Variants in RBFOX1 observed in about 807,000 individuals in gnomAD.
RBFOX1 encodes RNA binding protein fox-1 homolog 1.
RBFOX1 carries 8 observed loss-of-function variants against 57.7 expected under a neutral mutation model. The ratio of observed to expected loss-of-function variants is 0.14; its 90% CI spans 0.08 to 0.25. RBFOX1 has a LOEUF of 0.25. Ranked by LOEUF, RBFOX1 falls within the 10% of genes least tolerant of loss-of-function variation. The probability of loss-of-function intolerance (pLI) is 1.00; values close to 1 mark genes in which losing one functional copy is unlikely to be tolerated. For synonymous variants in RBFOX1, 326 were observed against 222.4 expected, an observed-to-expected ratio of 1.47 and a Z score of -4.15; for missense variants, 611 against 548.5, an observed-to-expected ratio of 1.11 and a Z score of -1.14.
intron 3 of RBFOX1, among the ~76,000 whole-genome samples, chr16:6,860,230 T>C (rs976776136): frequency 1.5e-4 from 23 of 152,346 alleles, no homozygotes; most frequent in African/African-American, 4.8e-4. Flanking sequence ...ATGCCCGTTA[T>C]GTTCCAGACA....
chr16:5,982,745 CTG>C (rs1461114548), intron 4 of RBFOX1, among the ~76,000 whole-genome samples: 1 of 152,164 alleles, frequency 6.6e-6, no homozygotes, highest in Non-Finnish European at 1.5e-5. Context: ...CCTTACTGTG[CTG>C]TGTTTTCCTT....
chr16:7,664,582 T>C (rs1481003828), intron 12 of RBFOX1, among the ~76,000 whole-genome samples: 1 of 152,204 alleles, frequency 6.6e-6, no homozygotes, highest in Non-Finnish European at 1.5e-5. Flanking sequence ...TTGCCAACTC[T>C]GACCTGTTAA....
At chr16:7,324,258 G>A (rs1335122830) in intron 4 of RBFOX1, among the ~76,000 whole-genome samples, 2 of 152,148 alleles carry the variant, frequency 1.3e-5, no homozygotes, top group Non-Finnish European at 2.9e-5. Context: ...TAGGCAGAAA[G>A]CTCAGGTGGT....
chr16:6,610,664 G>T (rs142970915), intron 2 of RBFOX1, among the ~76,000 whole-genome samples: 1 of 152,150 alleles, frequency 6.6e-6, no homozygotes, highest in Non-Finnish European at 1.5e-5. Flanking sequence ...ATTAACTCAG[G>T]TGAGCTTCAT....
At chr16:5,827,916 T>C (rs11641104) in intron 3 of RBFOX1, among the ~76,000 whole-genome samples, 11 of 118,766 alleles carry the variant, frequency 9.3e-5, no homozygotes, top group East Asian at 4.5e-4. Flanking sequence ...CATCCATCCA[T>C]CCACCCATCC....
At chr16:7,503,485 G>C (rs1434758727) in intron 4 of RBFOX1, among the ~76,000 whole-genome samples, 1 of 152,168 alleles carries the variant, frequency 6.6e-6, no homozygotes, top group East Asian at 1.9e-4. Context: ...TATTTAAGGG[G>C]ACAGAATCCA....
intron 2 of RBFOX1, among the ~76,000 whole-genome samples, chr16:6,517,812 G>T (rs575933282): frequency 6.6e-6 from 1 of 151,980 alleles, no homozygotes; most frequent in African/African-American, 2.4e-5. Flanking sequence ...TCTTCCATTC[G>T]TTATTTTATT....
intron 13 of RBFOX1, among the ~76,000 whole-genome samples, chr16:7,668,809 A>C (rs2070359142): frequency 6.6e-6 from 1 of 152,228 alleles, no homozygotes; most frequent in Non-Finnish European, 1.5e-5. Flanking sequence ...AAGTGGATCA[A>C]GTTAAGCAAA....
At chr16:7,199,043 G>T (rs894613727) in intron 4 of RBFOX1, among the ~76,000 whole-genome samples, 3 of 152,056 alleles carry the variant, frequency 2.0e-5, no homozygotes, top group African/African-American at 2.4e-5. Context: ...CAGTTCCAAG[G>T]GACAAGGGAA....
At chr16:5,804,894 G>A (rs867377580) in intron 3 of RBFOX1, among the ~76,000 whole-genome samples, 1 of 152,288 alleles carries the variant, frequency 6.6e-6, no homozygotes, top group East Asian at 1.9e-4. Flanking sequence ...GTGGGGAATT[G>A]ACGGCTCTTG....
At chr16:5,626,355 T>C (rs1340144811) in intron 3 of RBFOX1, among the ~76,000 whole-genome samples, 1 of 152,182 alleles carries the variant, frequency 6.6e-6, no homozygotes, top group Non-Finnish European at 1.5e-5. Flanking sequence ...TCTGTGTCTG[T>C]GTGTGTCTGT....
intron 4 of RBFOX1, among the ~76,000 whole-genome samples, chr16:7,100,992 A>G (rs1024084878): frequency 3.3e-5 from 5 of 152,232 alleles, no homozygotes; most frequent in African/African-American, 1.2e-4. Context: ...GGAAACACTC[A>G]GAGATATAGT....
chr16:5,382,214 A>G (rs1377412705), intron 1 of RBFOX1, among the ~76,000 whole-genome samples: 1 of 152,206 alleles, frequency 6.6e-6, no homozygotes, highest in Non-Finnish European at 1.5e-5. Flanking sequence ...GTAATTGACA[A>G]CATTGTCTCT....
intron 14 of RBFOX1, among the ~76,000 whole-genome samples, chr16:7,694,813 G>A (rs917470966): frequency 4.6e-5 from 7 of 152,136 alleles, no homozygotes; most frequent in African/African-American, 1.4e-4. Flanking sequence ...TGGAATGGGA[G>A]GTAGGGGTGG....
At chr16:7,061,194 G>A (rs950818191) in intron 4 of RBFOX1, among the ~76,000 whole-genome samples, 1 of 152,134 alleles carries the variant, frequency 6.6e-6, no homozygotes, top group Admixed American at 6.5e-5. Flanking sequence ...CAGGAACTCA[G>A]GCAAATGATC....
intron 3 of RBFOX1, among the ~76,000 whole-genome samples, chr16:6,955,256 A>G (rs74521948): frequency 0.23 from 35,404 of 151,684 alleles, 4,339 homozygotes; most frequent in African/African-American, 0.27. Context: ...AAAAAAAGAA[A>G]AAAAGAAATT....
intron 2 of RBFOX1, among the ~76,000 whole-genome samples, chr16:6,456,724 A>G (rs984927804): frequency 6.6e-6 from 1 of 152,186 alleles, no homozygotes; most frequent in Non-Finnish European, 1.5e-5. Flanking sequence ...ATGGGAATGA[A>G]GACAACTGAA....
chr16:6,564,334 C>T (rs1028739068), intron 2 of RBFOX1, among the ~76,000 whole-genome samples: 16 of 151,988 alleles, frequency 1.1e-4, no homozygotes, highest in Non-Finnish European at 8.8e-5. Flanking sequence ...GAGTATTATT[C>T]AGCTATAAAA....
rs192642087 is a variant in RBFOX1, at chr16:6,076,945, A to C, written c.-127+56953A>C. ...AAGTTTGTTGCACAGTGCACTTAAT[A>C]AGATGAACAGCAGTGCTAGAATCTG... On this transcript the variant is annotated intron_variant, in intron 1 of 15. Coordinates refer to ENST00000550418, the MANE Select transcript of RBFOX1 (RefSeq NM_018723.4). Among the ~76,000 whole-genome samples the C allele has an allele frequency of 1.3e-3, 205 of 152,314 alleles. 3 individuals carry two copies. The highest frequency in any genetic ancestry group is 6.4e-3 in the South Asian group (31 of 4,828).
Sources: allele counts gnomAD v4.1 joint callset (sites outside exome capture counted in the v4.1 genomes callset), GRCh38; gene constraint gnomAD v4.1.1; transcripts MANE v1.5; gene names NCBI Gene and HGNC (gene_info 2026-07-23, HGNC 2026-07-21).